Variants in HS3ST4 observed in about 807,000 individuals in gnomAD.
The protein encoded by HS3ST4 is heparan sulfate-glucosamine 3-sulfotransferase 4, also known as heparan sulfate glucosamine 3-O-sulfotransferase 4.
Under a neutral mutation model 29.2 loss-of-function variants are expected in HS3ST4, and 17 were observed. The ratio of observed to expected loss-of-function variants is 0.58; its 90% CI spans 0.40 to 0.87. The LOEUF (loss-of-function observed/expected upper bound fraction) is 0.87. Ranked by LOEUF, HS3ST4 falls within the 40% of genes least tolerant of loss-of-function variation. The pLI is 0.00. For synonymous variants in HS3ST4, 314 were observed against 285.7 expected (o/e 1.10, Z -1.00); for missense variants, 627 against 634.5 (o/e 0.99, Z 0.13).
At chr16:25,799,758 C>A (rs1477635703) in intron 1 of HS3ST4, among the ~76,000 whole-genome samples, 1 of 152,106 alleles carries the variant, frequency 6.6e-6, no homozygotes. Context: ...TTATAAAGTT[C>A]TTAGAATTCT....
At chr16:26,045,559 G>A (rs1302996823) in intron 1 of HS3ST4, among the ~76,000 whole-genome samples, 1 of 152,080 alleles carries the variant, frequency 6.6e-6, no homozygotes, top group African/African-American at 2.4e-5. Context: ...GTCCACACTG[G>A]TGGATTTTAC....
intron 1 of HS3ST4, among the ~76,000 whole-genome samples, chr16:25,971,040 G>A (rs1473092317): frequency 6.6e-6 from 1 of 151,674 alleles, no homozygotes; most frequent in Non-Finnish European, 1.5e-5. Flanking sequence ...TAGTAGAGAC[G>A]GGGTTTCACC....
chr16:25,978,501 C>T (rs755574908), intron 1 of HS3ST4, among the ~76,000 whole-genome samples: 1 of 152,244 alleles, frequency 6.6e-6, no homozygotes, highest in Non-Finnish European at 1.5e-5. Context: ...GGGGCCATAG[C>T]TCACCAACCT....
At chr16:25,876,785 A>AG (rs200465837) in intron 1 of HS3ST4, among the ~76,000 whole-genome samples, 6,241 of 151,742 alleles carry the variant, frequency 0.041, 146 homozygotes, top group South Asian at 0.072. Context: ...TGCCTGGAGA[A>AG]CTCTACTCAT....
At chr16:25,824,112 T>G (rs1967191710) in intron 1 of HS3ST4, among the ~76,000 whole-genome samples, 1 of 152,144 alleles carries the variant, frequency 6.6e-6, no homozygotes, top group African/African-American at 2.4e-5. Flanking sequence ...TTCACTGAGC[T>G]TGGGCTGAGA....
chr16:25,712,381 C>T (rs558886416), intron 1 of HS3ST4, among the ~76,000 whole-genome samples: 10 of 152,066 alleles, frequency 6.6e-5, no homozygotes, highest in South Asian at 2.1e-4. Context: ...AATTAGCCTG[C>T]GTGGTGGTGC....
chr16:25,781,182 A>G (rs576589787), intron 1 of HS3ST4, among the ~76,000 whole-genome samples: 15 of 152,244 alleles, frequency 9.9e-5, no homozygotes, highest in Admixed American at 2.0e-4. Context: ...GTCAAGAAGG[A>G]GAGGAAAGGA....
intron 1 of HS3ST4, among the ~76,000 whole-genome samples, chr16:25,854,591 A>G (rs1380718871): frequency 1.3e-5 from 2 of 152,102 alleles, no homozygotes; most frequent in African/African-American, 2.4e-5. Flanking sequence ...TCTCAGCCTT[A>G]TGTAACCAGC....
chr16:25,714,099 A>G (rs1279397080), intron 1 of HS3ST4, among the ~76,000 whole-genome samples: 2 of 152,224 alleles, frequency 1.3e-5, no homozygotes, highest in Non-Finnish European at 2.9e-5. Flanking sequence ...GATGCTATTC[A>G]GGTTTAACTG....
intron 1 of HS3ST4, among the ~76,000 whole-genome samples, chr16:26,074,315 G>A (rs1471154472): frequency 6.6e-6 from 1 of 152,144 alleles, no homozygotes; most frequent in Non-Finnish European, 1.5e-5. Context: ...GTTTCTTACG[G>A]CTGGAAAAGC....
chr16:25,716,082 T>C (rs1396267209), intron 1 of HS3ST4, among the ~76,000 whole-genome samples: 1 of 152,198 alleles, frequency 6.6e-6, no homozygotes, highest in African/African-American at 2.4e-5. Flanking sequence ...GCGATGGTAG[T>C]GGTTTTTCTT....
intron 1 of HS3ST4, among the ~76,000 whole-genome samples, chr16:26,106,146 C>A (rs1239355324): frequency 6.6e-6 from 1 of 152,206 alleles, no homozygotes; most frequent in East Asian, 1.9e-4. Flanking sequence ...TCTTCCAAGC[C>A]TATTCATAAC....
intron 1 of HS3ST4, among the ~76,000 whole-genome samples, chr16:26,089,915 T>C (rs1054079769): frequency 3.9e-5 from 6 of 152,196 alleles, no homozygotes; most frequent in African/African-American, 1.4e-4. Context: ...CCACCTGGTA[T>C]GGCCTTGTGA....
chr16:25,874,512 AT>A (rs1270020586), intron 1 of HS3ST4, among the ~76,000 whole-genome samples: 1 of 152,112 alleles, frequency 6.6e-6, no homozygotes, highest in African/African-American at 2.4e-5. Flanking sequence ...TTCCCATGAC[AT>A]TTAACAGGCA....
At chr16:25,830,360 A>T (rs964962286) in intron 1 of HS3ST4, among the ~76,000 whole-genome samples, 2 of 152,084 alleles carry the variant, frequency 1.3e-5, no homozygotes, top group Non-Finnish European at 2.9e-5. Context: ...TATCACCCCA[A>T]TGGAGATTTC....
At chr16:26,067,677 A>G (rs927742207) in intron 1 of HS3ST4, among the ~76,000 whole-genome samples, 18 of 152,216 alleles carry the variant, frequency 1.2e-4, no homozygotes, top group Admixed American at 3.9e-4. Flanking sequence ...AGAAAAGACA[A>G]CATCCCTGAT....
At chr16:25,883,400 C>A (rs1175711056) in intron 1 of HS3ST4, among the ~76,000 whole-genome samples, 8 of 151,768 alleles carry the variant, frequency 5.3e-5, no homozygotes, top group African/African-American at 7.3e-5. Context: ...AAAAAAAATA[C>A]CCCACACTGA....
chr16:26,004,766 G>C (rs1040210645), intron 1 of HS3ST4, among the ~76,000 whole-genome samples: 2 of 152,186 alleles, frequency 1.3e-5, no homozygotes, highest in Non-Finnish European at 2.9e-5. Flanking sequence ...GGCAATGTAT[G>C]ATGTGGCACA....
At chr16:26,109,937 C>G (rs1314523837) in intron 1 of HS3ST4, among the ~76,000 whole-genome samples, 1 of 152,114 alleles carries the variant, frequency 6.6e-6, no homozygotes, top group Non-Finnish European at 1.5e-5. Context: ...CAGCAATTTT[C>G]AAGCATACAA....
Sources: allele counts gnomAD v4.1 joint callset (sites outside exome capture counted in the v4.1 genomes callset), GRCh38; gene constraint gnomAD v4.1.1; transcripts MANE v1.5; gene names NCBI Gene and HGNC (gene_info 2026-07-23, HGNC 2026-07-21).